Variants in ZNF469 observed in about 807,000 individuals in gnomAD.
The protein encoded by ZNF469 is zinc finger protein 469.
A neutral mutation model predicts 1.0 loss-of-function variants in ZNF469; 1 was observed. The observed-to-expected ratio is 1.00, with a 90% confidence interval of 0.35 to 4.73. The LOEUF (loss-of-function observed/expected upper bound fraction) is 4.73. Ranked by LOEUF, ZNF469 falls within the 30% of genes most tolerant of loss-of-function variation. ZNF469 has a pLI of 0.16. For synonymous variants in ZNF469, 2,703 were observed against 2,363.4 expected, an observed-to-expected ratio of 1.14 and a Z score of -4.17; for missense variants, 6,100 against 5,356.3, an observed-to-expected ratio of 1.14 and a Z score of -4.33.
At chr16:88,158,238 G>A in the ZNF469 span, among the ~76,000 whole-genome samples, 2 of 151,958 alleles carry the variant, frequency 1.3e-5, no homozygotes, top group African/African-American at 4.8e-5. Flanking sequence ...ACAGCAGGGA[G>A]GCGGGAGATG....
At chr16:88,359,825 T>G in the ZNF469 span, among the ~76,000 whole-genome samples, 11 of 152,310 alleles carry the variant, frequency 7.2e-5, no homozygotes, top group African/African-American at 2.4e-4. Flanking sequence ...TCCATATACC[T>G]GCCACCTGGA....
chr16:88,259,226 T>C, the ZNF469 span, among the ~76,000 whole-genome samples: 1 of 151,694 alleles, frequency 6.6e-6, no homozygotes, highest in Admixed American at 6.6e-5. The surrounding 1 kb of genome is among the most constrained non-coding windows in gnomAD (Gnocchi z 4.1). Flanking sequence ...AGCAGTGGGA[T>C]TTCCTCCCGG....
At chr16:88,423,077 T>C (rs1286748660) in intron 1 of ZNF469, among the ~76,000 whole-genome samples, 2 of 135,036 alleles carry the variant, frequency 1.5e-5, no homozygotes, top group Admixed American at 1.5e-4. Context: ...GATGGGTAGA[T>C]AGATGGATGA....
chr16:88,110,231 G>A, the ZNF469 span, among the ~76,000 whole-genome samples: 1 of 152,226 alleles, frequency 6.6e-6, no homozygotes, highest in Admixed American at 6.5e-5. Flanking sequence ...CCTGGAGGGT[G>A]AGTTCAGACC....
At chr16:88,422,820 G>T (rs1215940457) in intron 1 of ZNF469, among the ~76,000 whole-genome samples, 8 of 148,478 alleles carry the variant, frequency 5.4e-5, no homozygotes, top group Admixed American at 5.3e-4. Flanking sequence ...GGGCAGATGG[G>T]TGGGTGGGTG....
upstream of ZNF469, among the ~76,000 whole-genome samples, chr16:88,379,092 G>T (rs1325900848): frequency 6.6e-6 from 1 of 152,190 alleles, no homozygotes; most frequent in Non-Finnish European, 1.5e-5. Flanking sequence ...CATGGCGCTG[G>T]TTACTCGGTT....
At chr16:88,264,360 C>T in the ZNF469 span, among the ~76,000 whole-genome samples, 1 of 151,990 alleles carries the variant, frequency 6.6e-6, no homozygotes. Flanking sequence ...TGATGCCCAC[C>T]TTCCTCTCTC....
the ZNF469 span, among the ~76,000 whole-genome samples, chr16:88,146,941 G>A: frequency 6.6e-6 from 1 of 151,994 alleles, no homozygotes; most frequent in African/African-American, 2.4e-5. Context: ...GCCTCCTGGG[G>A]GTGTCTCAAG....
chr16:88,300,341 C>T, the ZNF469 span, among the ~76,000 whole-genome samples: 1 of 151,994 alleles, frequency 6.6e-6, no homozygotes, highest in African/African-American at 2.4e-5. Context: ...AGTCAGCCTC[C>T]ACCCCTCTGA....
At chr16:88,199,975 T>G in the ZNF469 span, among the ~76,000 whole-genome samples, 1 of 152,138 alleles carries the variant, frequency 6.6e-6, no homozygotes, top group Admixed American at 6.5e-5. Flanking sequence ...GCAAGGGCCC[T>G]TCATGCCGGG....
chr16:88,323,639 C>G, the ZNF469 span, among the ~76,000 whole-genome samples: 1 of 152,134 alleles, frequency 6.6e-6, no homozygotes, highest in African/African-American at 2.4e-5. Flanking sequence ...TCTCCCTGAC[C>G]CCCACTTTCT....
chr16:88,202,699 G>A, the ZNF469 span, among the ~76,000 whole-genome samples: 4 of 152,332 alleles, frequency 2.6e-5, no homozygotes, highest in South Asian at 8.3e-4. Context: ...GCCGGATGGT[G>A]GTGGGGGCGC....
chr16:88,414,880 CG>C (rs1467090166), intron 1 of ZNF469, among the ~76,000 whole-genome samples: 1 of 152,228 alleles, frequency 6.6e-6, no homozygotes, highest in African/African-American at 2.4e-5. Context: ...CCAGTTAGGG[CG>C]GGGCAGAGGG....
At chr16:88,308,934 A>G in the ZNF469 span, among the ~76,000 whole-genome samples, 25 of 152,220 alleles carry the variant, frequency 1.6e-4, no homozygotes, top group African/African-American at 5.3e-4. Flanking sequence ...CACCCAGGCA[A>G]TCTGTTCCTG....
chr16:88,110,475 G>A, the ZNF469 span, among the ~76,000 whole-genome samples: 1 of 152,238 alleles, frequency 6.6e-6, no homozygotes, highest in Non-Finnish European at 1.5e-5. Context: ...AATTCAGTTT[G>A]CTTACAGTGT....
At chr16:88,264,946 G>A in the ZNF469 span, among the ~76,000 whole-genome samples, 1 of 152,120 alleles carries the variant, frequency 6.6e-6, no homozygotes, top group African/African-American at 2.4e-5. Context: ...CCAGGGAGCG[G>A]GCACACAGGG....
At chr16:88,275,532 G>T in the ZNF469 span, among the ~76,000 whole-genome samples, 1 of 152,168 alleles carries the variant, frequency 6.6e-6, no homozygotes, top group Non-Finnish European at 1.5e-5. Flanking sequence ...GCGGGAGGGT[G>T]CCTGGAGTGG....
chr16:88,303,600 A>G, the ZNF469 span, among the ~76,000 whole-genome samples: 2 of 152,200 alleles, frequency 1.3e-5, no homozygotes, highest in Admixed American at 1.3e-4. Flanking sequence ...AGCCCTCCCG[A>G]GGGCATGGGG....
chr16:88,233,540 G>A, the ZNF469 span, among the ~76,000 whole-genome samples: 7 of 148,322 alleles, frequency 4.7e-5, no homozygotes, highest in East Asian at 4.0e-4. Context: ...AGGTTTCTGC[G>A]GGAGGGAAGG....
Sources: allele counts gnomAD v4.1 joint callset (sites outside exome capture counted in the v4.1 genomes callset), GRCh38; gene constraint gnomAD v4.1.1; non-coding constraint Gnocchi (gnomAD v3.1); transcripts MANE v1.5; gene names NCBI Gene and HGNC (gene_info 2026-07-23, HGNC 2026-07-21).